Variants in CCDC150 observed in about 807,000 individuals in gnomAD.
CCDC150 encodes coiled-coil domain containing 150, also known as coiled-coil domain-containing protein 150.
Under a neutral mutation model 156.5 loss-of-function variants are expected in CCDC150, and 151 were observed. The ratio of observed to expected loss-of-function variants is 0.97; its 90% CI spans 0.85 to 1.10. The LOEUF is 1.10. Ranked by LOEUF, CCDC150 falls within the 50% of genes least tolerant of loss-of-function variation. The pLI, the probability that CCDC150 is intolerant of heterozygous loss-of-function variation, is 0.00. For missense variants in CCDC150, 1,312 were observed against 1,268.1 expected (o/e 1.03, Z -0.53); for synonymous variants, 452 against 429.4 (o/e 1.05, Z -0.65).
intron 5 of CCDC150, among the ~76,000 whole-genome samples, chr2:196,661,885 C>T (rs1458804451): frequency 6.6e-6 from 1 of 152,080 alleles, no homozygotes; most frequent in East Asian, 1.9e-4. Context: ...AGGTGGCCAG[C>T]TGAATGCTTT....
intron 1 of CCDC150, among the ~76,000 whole-genome samples, chr2:196,641,073 C>T (rs1004187843): frequency 4.6e-5 from 7 of 152,238 alleles, no homozygotes; most frequent in African/African-American, 1.4e-4. Flanking sequence ...CACCATTCTC[C>T]TGCCTCAGCC....
intron 26 of CCDC150, among the ~76,000 whole-genome samples, chr2:196,731,784 A>G (rs532611743): frequency 1.3e-5 from 2 of 152,178 alleles, no homozygotes; most frequent in East Asian, 3.9e-4. Flanking sequence ...CCTCTCTTAC[A>G]TTACTTCACA....
At chr2:196,676,295 A>G (rs755878546) in intron 11 of CCDC150, 28 bp downstream of exon 11, 15 of 1,610,752 alleles carry the variant, frequency 9.3e-6, no homozygotes, top group Non-Finnish European at 1.2e-5. Context: ...AACTTCTTAT[A>G]CATCTTTTGT....
At chr2:196,640,823 C>T (rs1692177121) in intron 1 of CCDC150, among the ~76,000 whole-genome samples, 1 of 152,212 alleles carries the variant, frequency 6.6e-6, no homozygotes, top group South Asian at 2.1e-4. Flanking sequence ...TTTTGTTCTT[C>T]CACCATTTGG....
intron 17 of CCDC150, chr2:196,713,695 C>A: frequency 2.9e-6 from 4 of 1,383,284 alleles, no homozygotes; most frequent in Non-Finnish European, 3.8e-6. Context: ...TAAGTGAAGA[C>A]CACAAATTAA....
At chr2:196,718,451 AT>A in intron 17 of CCDC150, 51 bp from the exon 18 acceptor site, 1 of 1,446,132 alleles carries the variant, frequency 6.9e-7, no homozygotes, top group Non-Finnish European at 9.4e-7. Context: ...TCTATGTCTT[AT>A]TCTAATCACT....
rs752519643 is a variant in CCDC150, at chr2:196,666,803, AAAG to A, written c.852_854del (p.Glu285del). On this transcript the variant is annotated inframe_deletion, in exon 7 of 28. Transcript: ENST00000389175. ...ACTACTGGCCCAGGAACAAAAAAAA[AAAG>A]AAGAGTTGGAGATTGCTACTTCACA... 8 of 1,613,806 alleles carry A rather than the reference AAAG, an allele frequency of 5.0e-6. No homozygotes were observed. Among genetic ancestry groups the A allele is most frequent in the East Asian group, 2.2e-5 (1 of 44,864 alleles).
At chr2:196,694,207 C>T (rs1575858116) in intron 13 of CCDC150, among the ~76,000 whole-genome samples, 1 of 152,180 alleles carries the variant, frequency 6.6e-6, no homozygotes, top group East Asian at 1.9e-4. Flanking sequence ...TAGGCATGTG[C>T]CACCACGCCT....
intron 19 of CCDC150, 107 bp from the exon 20 acceptor site, chr2:196,720,468 G>T (rs1575959424): frequency 4.0e-6 from 3 of 758,446 alleles, no homozygotes; most frequent in Middle Eastern, 4.9e-4. Flanking sequence ...ATATAAGTAT[G>T]ATGCTATTTG....
intron 14 of CCDC150, among the ~76,000 whole-genome samples, chr2:196,697,680 A>C (rs1242771224): frequency 6.6e-6 from 1 of 152,194 alleles, no homozygotes; most frequent in Non-Finnish European, 1.5e-5. Context: ...ATTTTGAATA[A>C]AAAATTCAAA....
chr2:196,720,976 CAG>C (rs1245516225), intron 20 of CCDC150, among the ~76,000 whole-genome samples: 32 of 152,076 alleles, frequency 2.1e-4, no homozygotes, highest in Admixed American at 1.6e-3. Flanking sequence ...TATAGTCTGT[CAG>C]AAACACCTGG....
At position 196,658,860 on chromosome 2, in the gene CCDC150, G is replaced by A. The variant is rs1693386396; in HGVS notation, c.645G>A (p.Glu215=). Residue 215 remains glutamate, a splice_region_variant and synonymous_variant, in exon 5 of 28, where the codon GAG becomes GAA. Transcript: ENST00000389175. ...GTAAAATGAACCTTAAAATTCAAGAGGTAAGACAAAAAGATGGAGGGTGGA... is the reference window on the plus strand; with the variant it reads ...GTAAAATGAACCTTAAAATTCAAGAAGTAAGACAAAAAGATGGAGGGTGGA... ...TKRKMNLKIQ[E]LRRQLAQEKY... 6.3e-7 allele frequency: 1 copy of A among 1,595,510 alleles called. No individual in the cohort carries two copies. The highest frequency in any genetic ancestry group is 8.6e-7 in the Non-Finnish European group (1 of 1,168,804).
At chr2:196,690,656 A>G (rs1695405264) in intron 13 of CCDC150, among the ~76,000 whole-genome samples, 1 of 151,154 alleles carries the variant, frequency 6.6e-6, no homozygotes, top group South Asian at 2.1e-4. Context: ...GCAAACAGGG[A>G]TAGTTTGACT....
At chr2:196,723,203 A>G (rs1698022755) in intron 21 of CCDC150, among the ~76,000 whole-genome samples, 1 of 152,192 alleles carries the variant, frequency 6.6e-6, no homozygotes, top group Non-Finnish European at 1.5e-5. Context: ...ATTCATCTCC[A>G]TAAAGATAAA....
chr2:196,703,614 A>T (rs1407570964), intron 15 of CCDC150, among the ~76,000 whole-genome samples: 1 of 152,200 alleles, frequency 6.6e-6, no homozygotes, highest in African/African-American at 2.4e-5. Flanking sequence ...GAATGATCTT[A>T]TAAGAGGCTA....
chr2:196,710,173 C>T (rs1049818754), intron 15 of CCDC150, among the ~76,000 whole-genome samples: 5 of 152,214 alleles, frequency 3.3e-5, no homozygotes, highest in East Asian at 3.9e-4. Flanking sequence ...CTGCCCAGTT[C>T]GAGCTTCCCT....
intron 13 of CCDC150, among the ~76,000 whole-genome samples, chr2:196,679,115 T>G (rs1254093137): frequency 6.6e-6 from 1 of 152,224 alleles, no homozygotes; most frequent in East Asian, 1.9e-4. Context: ...ATAAATTGAT[T>G]TTTAAAATAT....
Position 196,653,325 on chromosome 2 carries a change from A to G in CCDC150, c.177-3308A>G, listed in dbSNP as rs142618778. ...AACCTTAAGTCATTTCTTTGCTCCTATATCTTATTGTAGACTGTTAAGAGC... is the reference window on the plus strand; with the variant it reads ...AACCTTAAGTCATTTCTTTGCTCCTGTATCTTATTGTAGACTGTTAAGAGC... On this transcript the variant is annotated intron_variant, in intron 2 of 27. Coordinates refer to ENST00000389175, the MANE Select transcript of CCDC150 (RefSeq NM_001080539.2). Among the ~76,000 whole-genome samples the G allele has an allele frequency of 2.8e-4, 43 of 152,208 alleles. No homozygotes were observed. In the South Asian group the frequency reaches 3.9e-3, roughly 14 times the overall value.
At chr2:196,724,822 A>G (rs1163088096) in intron 21 of CCDC150, among the ~76,000 whole-genome samples, 1 of 152,122 alleles carries the variant, frequency 6.6e-6, no homozygotes, top group Non-Finnish European at 1.5e-5. Context: ...CATTTTTCAG[A>G]TTGAGGTGTG....
Sources: gnomAD v4.1 joint callset for allele counts (sites outside exome capture counted in the v4.1 genomes callset) on GRCh38, gnomAD v4.1.1 for gene constraint, MANE v1.5 for transcripts, NCBI Gene and HGNC (gene_info 2026-07-23, HGNC 2026-07-21) for gene names.